The following ALG1 variants were observed in gnomAD, a reference collection of about 807,000 sequenced individuals.
ALG1 encodes the protein ALG1 chitobiosyldiphosphodolichol beta-mannosyltransferase, also known as chitobiosyldiphosphodolichol beta-mannosyltransferase.
A neutral mutation model predicts 55.1 loss-of-function variants in ALG1; 58 were observed. That is an observed-to-expected ratio of 1.05 (90% CI 0.85 to 1.31). The LOEUF (loss-of-function observed/expected upper bound fraction) is 1.31, where lower values mean the gene tolerates loss of function less well. Among genes scored for constraint, ALG1 ranks in the 50% most tolerant of loss-of-function variants. The pLI is 0.00. For synonymous variants in ALG1, 309 were observed against 247.0 expected, an observed-to-expected ratio of 1.25 and a Z score of -2.35; for missense variants, 761 against 598.6, an observed-to-expected ratio of 1.27 and a Z score of -2.83.
chr16:5,074,996 T>C (rs931356984), intron 3 of ALG1, among the ~76,000 whole-genome samples: 1 of 152,128 alleles, frequency 6.6e-6, no homozygotes, highest in Non-Finnish European at 1.5e-5. Context: ...CTCATCCTCC[T>C]GGGCTCAAGT....
chr16:5,083,858 G>C, intron 12 of ALG1, 101 bp downstream of exon 12: 2 of 1,561,868 alleles, frequency 1.3e-6, no homozygotes, highest in East Asian at 4.5e-5. Context: ...GTGGGACCAT[G>C]TGGGGTCTGG....
chr16:5,072,705 C>A (rs1243888133), intron 1 of ALG1, among the ~76,000 whole-genome samples: 1 of 152,154 alleles, frequency 6.6e-6, no homozygotes, highest in African/African-American at 2.4e-5. Context: ...TAATTGAGCA[C>A]CTACTGTTTG....
At position 5,085,463 on chromosome 16, in the gene ALG1, G is replaced by T. The variant is rs543353647; in HGVS notation, c.*582G>T. On this transcript the variant is annotated 3_prime_UTR_variant, in exon 13 of 13. Transcript: ENST00000262374. The stretch of plus-strand genomic sequence containing the variant: ...GCTGGCAGAAAGGGGGCACCCACAC[G>T]CTTAGATAGCCGATGTCTTATTAGA... 1.3e-4 allele frequency: 86 copies of T among 650,392 alleles called. 2 individuals are homozygous for T. In the African/African-American group the frequency reaches 1.4e-3, roughly 11 times the overall value. The allele number at this position is 650,392 out of a possible 1,614,324, so 40.3% of individuals were successfully genotyped here. A position where few individuals can be genotyped will look rare whatever the true frequency, so the allele number is the denominator to read the frequency against.
intron 8 of ALG1, 143 bp from the exon 9 acceptor site, chr16:5,079,605 C>G (rs1175807279): frequency 2.1e-6 from 2 of 972,432 alleles, no homozygotes; most frequent in African/African-American, 1.6e-5. Flanking sequence ...ACGAGAATTA[C>G]TTGAACCCAG....
In ALG1 at chr16:5,078,754, C is replaced by G. The variant is rs1956960336; in HGVS notation, c.741-3C>G. Reference sequence around the variant, plus strand: ...CTCACAGGCTTTTTTTCTGCTCCTTCAGCTCAGAACCTGAGGACCCAGTCA... The same window carrying G: ...CTCACAGGCTTTTTTTCTGCTCCTTGAGCTCAGAACCTGAGGACCCAGTCA... On this transcript the variant is annotated splice_polypyrimidine_tract_variant and splice_region_variant and intron_variant, in intron 6 of 12. Coordinates refer to ENST00000262374, the MANE Select transcript of ALG1 (RefSeq NM_019109.5). 2.5e-6 allele frequency: 4 copies of G among 1,612,862 alleles called. No individual in the cohort carries two copies. Among genetic ancestry groups the G allele is most frequent in the Non-Finnish European group, 3.4e-6 (4 of 1,179,796 alleles).
chr16:5,075,317 G>T, intron 3 of ALG1, 71 bp from the exon 4 acceptor site: 1 of 1,517,016 alleles, frequency 6.6e-7, no homozygotes. Context: ...TGTGTGTTGT[G>T]ACTATTTTTA....
intron 10 of ALG1, 54 bp downstream of exon 10, chr16:5,081,110 G>GGGGGGCGGC: frequency 1.9e-6 from 1 of 519,954 alleles, no homozygotes; most frequent in Non-Finnish European, 3.5e-6. Flanking sequence ...GGGTGGGCGG[G>GGGGGGCGGC]ATGTACTTTT....
intron 9 of ALG1, 78 bp from the exon 10 acceptor site, chr16:5,080,868 G>T (rs576846697): frequency 5.2e-5 from 81 of 1,550,746 alleles, no homozygotes; most frequent in Middle Eastern, 2.3e-4. Flanking sequence ...TCCCTCCTAG[G>T]GGGGAGTGTC....
intron 4 of ALG1, among the ~76,000 whole-genome samples, chr16:5,076,670 A>G: frequency 6.6e-6 from 1 of 152,202 alleles, no homozygotes; most frequent in East Asian, 1.9e-4. Flanking sequence ...TTAGGAGAGA[A>G]TGTGTACAAT....
At chr16:5,072,739 T>C (rs1252218069) in intron 1 of ALG1, among the ~76,000 whole-genome samples, 1 of 152,188 alleles carries the variant, frequency 6.6e-6, no homozygotes, top group East Asian at 1.9e-4. Flanking sequence ...TAAGTGAAGG[T>C]AGGTAAGATT....
At chr16:5,079,014 A>T (rs1956967136) in intron 7 of ALG1, 50 bp from the exon 8 acceptor site, 5 of 1,604,210 alleles carry the variant, frequency 3.1e-6, no homozygotes, top group Non-Finnish European at 4.2e-6. Flanking sequence ...TGTGAGCTGG[A>T]AGAGGGGTGT....
intron 6 of ALG1, 92 bp downstream of exon 6, chr16:5,078,109 A>G: frequency 3.5e-6 from 5 of 1,428,922 alleles, no homozygotes; most frequent in Non-Finnish European, 4.8e-6. Context: ...CCACTCATCC[A>G]GGGGTTGGCA....
At chr16:5,075,933 T>A (rs1956905048) in intron 4 of ALG1, among the ~76,000 whole-genome samples, 1 of 152,212 alleles carries the variant, frequency 6.6e-6, no homozygotes, top group African/African-American at 2.4e-5. Flanking sequence ...GATCTGCCTG[T>A]TGAGGCCAGG....
At position 5,085,957 on chromosome 16, in the gene ALG1, T is replaced by C. The variant is rs574313691; in HGVS notation, c.*1076T>C. On this transcript the variant is annotated 3_prime_UTR_variant, in exon 13 of 13. Transcript: ENST00000262374. ...TGGCTAGCAGCAGGCACCGTGCCGCTGTCCACTCTCTGCCTGTGTCTGCCC... is the reference window on the plus strand; with the variant it reads ...TGGCTAGCAGCAGGCACCGTGCCGCCGTCCACTCTCTGCCTGTGTCTGCCC... 2.6e-5 allele frequency among the ~76,000 whole-genome samples: 4 copies of C among 152,334 alleles called. No homozygotes were observed. The highest frequency in any genetic ancestry group is 6.5e-5 in the Admixed American group (1 of 15,290).
At position 5,085,171 on chromosome 16, in the gene ALG1, C is replaced by T; in HGVS notation, c.*290C>T. 1 of 589,088 alleles carries T rather than the reference C, an allele frequency of 1.7e-6. No homozygotes were observed. The highest frequency in any genetic ancestry group is 2.0e-5 in the South Asian group (1 of 48,822). 36.5% of individuals were successfully genotyped at this position (589,088 alleles called of 1,614,324 possible). A position where few individuals can be genotyped will look rare whatever the true frequency, so the allele number is the denominator to read the frequency against. On this transcript the variant is annotated 3_prime_UTR_variant, in exon 13 of 13. Coordinates refer to ENST00000262374, the MANE Select transcript of ALG1 (RefSeq NM_019109.5). ...TGACTTCCCTGTGACCTCTGCAGAA[C>T]TCCTCATCCTGCGTTTGGTCTCCAG...
In ALG1 at chr16:5,071,946, C is replaced by A; in HGVS notation, c.97C>A (p.Arg33=). Reference sequence around the variant, plus strand: ...GCGCTGGCGCCGGGGGCGGGCGGCCCGGCATGTAGTAGCGGTGGTGCTGGG... The same window carrying A: ...GCGCTGGCGCCGGGGGCGGGCGGCCAGGCATGTAGTAGCGGTGGTGCTGGG... ...WKRWRRGRAA[R]HVVAVVLGDV... is the part of the protein sequence containing the mutation. The change falls in exon 1 of 13, where the codon CGG becomes AGG. Residue 33 remains arginine (R), a synonymous_variant. Coordinates refer to ENST00000262374, the MANE Select transcript of ALG1 (RefSeq NM_019109.5). The A allele has an allele frequency of 1.3e-6, 2 of 1,587,698 alleles. No individual in the cohort carries two copies. Among genetic ancestry groups the A allele is most frequent in the Middle Eastern group, 1.7e-4 (1 of 5,942 alleles).
intron 11 of ALG1, among the ~76,000 whole-genome samples, chr16:5,082,983 C>T (rs1278159252): frequency 6.6e-6 from 1 of 152,214 alleles, no homozygotes; most frequent in Non-Finnish European, 1.5e-5. Flanking sequence ...TACCAGAACT[C>T]CACTCGGGGC....
intron 3 of ALG1, among the ~76,000 whole-genome samples, chr16:5,074,525 T>C (rs996191568): frequency 1.3e-5 from 2 of 152,248 alleles, no homozygotes; most frequent in Admixed American, 6.5e-5. Context: ...CTCATGTTAA[T>C]GGATACTCAG....
Position 5,073,039 on chromosome 16 carries a change from GTCAACTCCA to G in ALG1, c.286+12_286+20del. ...TTCAGAGTCTTGCAGGTAGGATGCC[GTCAACTCCA>G]GAATCCTCTGAATCCATGGGCTGGG... On this transcript the variant is annotated intron_variant, in intron 2 of 12. Coordinates refer to ENST00000262374, the MANE Select transcript of ALG1 (RefSeq NM_019109.5). 1 of 1,613,716 alleles carries G rather than the reference GTCAACTCCA, an allele frequency of 6.2e-7. No individual in the cohort carries two copies. Among genetic ancestry groups the G allele is most frequent in the Non-Finnish European group, 8.5e-7 (1 of 1,179,604 alleles).
Sources: allele counts gnomAD v4.1 joint callset (sites outside exome capture counted in the v4.1 genomes callset), GRCh38; gene constraint gnomAD v4.1.1; transcripts MANE v1.5; gene names NCBI Gene and HGNC (gene_info 2026-07-23, HGNC 2026-07-21).